The following CREB3L2 variants were observed in gnomAD, a reference collection of about 807,000 sequenced individuals.
CREB3L2 encodes the protein cAMP responsive element binding protein 3 like 2, also known as cyclic AMP-responsive element-binding protein 3-like protein 2.
CREB3L2 carries 23 observed loss-of-function variants against 57.2 expected under a neutral mutation model. The ratio of observed to expected loss-of-function variants is 0.40; its 90% CI spans 0.29 to 0.57. The LOEUF (loss-of-function observed/expected upper bound fraction) is 0.57. Among genes scored for constraint, CREB3L2 ranks in the 20% least tolerant of loss-of-function variants. The pLI is 0.42. For missense variants in CREB3L2, 628 were observed against 634.7 expected, an observed-to-expected ratio of 0.99 and a Z score of 0.11; for synonymous variants, 268 against 265.1, an observed-to-expected ratio of 1.01 and a Z score of -0.11.
In CREB3L2 at chr7:137,882,504, C is replaced by T. The variant is rs770705547; in HGVS notation, c.1395G>A (p.Leu465=). 2.5e-6 allele frequency: 4 copies of T among 1,614,118 alleles called. No individual in the cohort carries two copies. In the East Asian group the frequency reaches 6.7e-5, roughly 27 times the overall value. ...RGSSLLRVSG[L]ESRPDVDLPH... ...GAAGATCCACATCCGGCCTGGACTC[C>T]AGCCCTGACACCCTGAGCAGGGAGG... Residue 465 remains leucine, a synonymous_variant, in exon 11 of 12, where the codon CTG becomes CTA. Coordinates refer to ENST00000330387, the MANE Select transcript of CREB3L2 (RefSeq NM_194071.4).
chr7:137,983,812 T>C (rs1454777476), intron 1 of CREB3L2, among the ~76,000 whole-genome samples: 2 of 152,218 alleles, frequency 1.3e-5, no homozygotes, highest in Non-Finnish European at 2.9e-5. Context: ...GGCTTTTTCA[T>C]TCCAGAAGGC....
chr7:137,956,462 G>T, intron 1 of CREB3L2: 3 of 428,678 alleles, frequency 7.0e-6, no homozygotes, highest in South Asian at 3.7e-5. Flanking sequence ...TCCAGTAATA[G>T]AATTAATTTG....
chr7:137,955,227 C>T, intron 1 of CREB3L2: 1 of 1,234,598 alleles, frequency 8.1e-7, no homozygotes. Flanking sequence ...TCAATGAGTA[C>T]AGTAAGAATC....
chr7:137,903,172 AC>A (rs796903216), intron 7 of CREB3L2, among the ~76,000 whole-genome samples: 20 of 152,190 alleles, frequency 1.3e-4, no homozygotes, highest in African/African-American at 4.8e-4. Context: ...AGGACGCTGA[AC>A]CCCCAGATAT....
At chr7:137,991,386 G>A (rs1379764841) in intron 1 of CREB3L2, among the ~76,000 whole-genome samples, 2 of 151,660 alleles carry the variant, frequency 1.3e-5, no homozygotes, top group African/African-American at 2.4e-5. Flanking sequence ...GGATGGTCTC[G>A]ATCTCCTGAC....
intron 2 of CREB3L2, among the ~76,000 whole-genome samples, chr7:137,918,012 G>A (rs1563251567): frequency 6.6e-6 from 1 of 152,126 alleles, no homozygotes; most frequent in Non-Finnish European, 1.5e-5. Context: ...GCTCAGCCCA[G>A]AGATGGAGCA....
intron 1 of CREB3L2, among the ~76,000 whole-genome samples, chr7:137,975,046 C>T (rs1028425873): frequency 6.6e-6 from 1 of 152,146 alleles, no homozygotes; most frequent in Non-Finnish European, 1.5e-5. Flanking sequence ...TTGAAATACT[C>T]AGACCTTTTA....
intron 1 of CREB3L2, among the ~76,000 whole-genome samples, chr7:137,960,072 A>C (rs1165022040): frequency 6.6e-6 from 1 of 152,170 alleles, no homozygotes; most frequent in African/African-American, 2.4e-5. Context: ...TGCTTTTAAC[A>C]TCTAGTAAAA....
intron 1 of CREB3L2, among the ~76,000 whole-genome samples, chr7:137,931,087 C>G (rs1800605816): frequency 6.6e-6 from 1 of 151,798 alleles, no homozygotes; most frequent in African/African-American, 2.4e-5. Context: ...CAAAAATTAG[C>G]CAGGCATGGT....
At chr7:137,922,384 G>GTATATATATATATATATATATATATATA (rs1175503933) in intron 2 of CREB3L2, among the ~76,000 whole-genome samples, 6 of 19,558 alleles carry the variant, frequency 3.1e-4, no homozygotes, top group Admixed American at 8.0e-4. Flanking sequence ...ATATATATAT[G>GTATATATATATATATATATATATATATA]TATATATATA....
chr7:137,928,139 TCTGAGTTTACCGTCATTGAAG>T lies in CREB3L2; in HGVS notation c.309_319+10del. 6.4e-7 allele frequency: 1 copy of T among 1,551,608 alleles called. No homozygotes were observed. ...GCTAAGGTCCAGGTCTTCCTCCTCC[TCTGAGTTTACCGTCATTGAAG>T]CTGTCACTGGTGGTAATGTGGGTGA... On this transcript the variant is annotated splice_donor_variant and splice_donor_5th_base_variant and coding_sequence_variant and intron_variant, in exon 2 of 12. Transcript: ENST00000330387. LOFTEE classifies it high-confidence loss of function.
intron 2 of CREB3L2, among the ~76,000 whole-genome samples, chr7:137,927,667 C>T (rs535744550): frequency 1.3e-5 from 2 of 151,228 alleles, no homozygotes; most frequent in South Asian, 4.2e-4. Flanking sequence ...GGGTAATCAA[C>T]AAGAAAGTCT....
chr7:137,957,006 C>T (rs1801228503), intron 1 of CREB3L2, among the ~76,000 whole-genome samples: 1 of 152,118 alleles, frequency 6.6e-6, no homozygotes, highest in Non-Finnish European at 1.5e-5. Flanking sequence ...GCCCCCCACC[C>T]CCCAGTGTAC....
At chr7:137,927,278 G>GAAAGGAAAGGAAAGGAAAGGAGGAAGGA (rs35701640) in intron 2 of CREB3L2, among the ~76,000 whole-genome samples, 2 of 136,530 alleles carry the variant, frequency 1.5e-5, no homozygotes, top group African/African-American at 6.2e-5. Context: ...GAAAGGAAAG[G>GAAAGGAAAGGAAAGGAAAGGAGGAAGGA]AGGAAGGAAG....
chr7:138,002,034 G>A lies in CREB3L2; in HGVS notation c.-329C>T. 3.1e-6 allele frequency: 1 copy of A among 321,038 alleles called. No individual in the cohort carries two copies. 19.9% of individuals were successfully genotyped at this position (321,038 alleles called of 1,614,324 possible). On this transcript the variant is annotated 5_prime_UTR_variant, in exon 1 of 12. Coordinates refer to ENST00000330387, the MANE Select transcript of CREB3L2 (RefSeq NM_194071.4). ...AAATCCCTTAGCCGCAAGCCCACTTGCCGCTACGGCTCCAGACACAAACTT... is the reference window on the plus strand; with the variant it reads ...AAATCCCTTAGCCGCAAGCCCACTTACCGCTACGGCTCCAGACACAAACTT...
intron 11 of CREB3L2, among the ~76,000 whole-genome samples, chr7:137,881,202 G>A (rs934989504): frequency 1.3e-4 from 20 of 152,184 alleles, no homozygotes; most frequent in African/African-American, 4.6e-4. Flanking sequence ...GGCTACATTG[G>A]CAAGTCTCTC....
intron 1 of CREB3L2, among the ~76,000 whole-genome samples, chr7:137,992,001 T>A (rs1043939766): frequency 1.3e-5 from 2 of 151,950 alleles, no homozygotes; most frequent in African/African-American, 4.8e-5. Flanking sequence ...AAAATATGGA[T>A]GGTTCAGAAT....
Position 137,880,627 on chromosome 7 carries a change from T to C in CREB3L2, c.1488-76A>G. ...ACAATTCTCATGCTTTGTAGCGTGA[T>C]GCAATCATTCAGGGGTTGCAACTTG... On this transcript the variant is annotated intron_variant, in intron 11 of 11. Coordinates refer to ENST00000330387, the MANE Select transcript of CREB3L2 (RefSeq NM_194071.4). This position sits in a 1 kb window ranked among gnomAD's most constrained non-coding sequence, Gnocchi z 4.0. The C allele has an allele frequency of 1.6e-6, 2 of 1,214,674 alleles. No individual in the cohort carries two copies. The highest frequency in any genetic ancestry group is 2.4e-6 in the Non-Finnish European group (2 of 824,414). 75.2% of individuals were successfully genotyped at this position (1,214,674 alleles called of 1,614,324 possible).
chr7:137,965,745 A>G (rs1333390945), intron 1 of CREB3L2, among the ~76,000 whole-genome samples: 1 of 152,196 alleles, frequency 6.6e-6, no homozygotes, highest in African/African-American at 2.4e-5. Context: ...ACGTCCACTC[A>G]AAATCCCACT....
Sources: gnomAD v4.1 joint callset for allele counts (sites outside exome capture counted in the v4.1 genomes callset) on GRCh38, gnomAD v4.1.1 for gene constraint, Gnocchi (gnomAD v3.1) non-coding constraint, MANE v1.5 for transcripts, NCBI Gene and HGNC (gene_info 2026-07-23, HGNC 2026-07-21) for gene names.